The following TRIM34 variants were observed in gnomAD, a reference collection of about 807,000 sequenced individuals.
TRIM34 encodes tripartite motif containing 34, also known as E3 ubiquitin-protein ligase TRIM34.
In TRIM34, 41 loss-of-function variants were observed where a neutral mutation model predicts 38.1. The ratio of observed to expected loss-of-function variants is 1.08; its 90% confidence interval spans 0.84 to 1.40. TRIM34 has a LOEUF of 1.40. Among genes scored for constraint, TRIM34 ranks in the 40% most tolerant of loss-of-function variants. The pLI, the probability that TRIM34 is intolerant of heterozygous loss-of-function variation, is 0.00. For missense variants in TRIM34, 556 were observed against 571.4 expected (o/e 0.97, Z 0.27); for synonymous variants, 200 against 202.5 (o/e 0.99, Z 0.10).
intron 1 of TRIM34, among the ~76,000 whole-genome samples, chr11:5,628,258 C>T (rs546938017): frequency 2.8e-4 from 42 of 152,312 alleles, no homozygotes; most frequent in African/African-American, 7.0e-4. Flanking sequence ...TGGAGCCCCC[C>T]GGTATTTCTA....
rs1564890196 is a variant in TRIM34 at position 5,641,159 on chromosome 11, C to T, written c.751-8C>T. 1 of 1,610,084 alleles carries T rather than the reference C, an allele frequency of 6.2e-7. No homozygotes were observed. Among genetic ancestry groups the T allele is most frequent in the Non-Finnish European group, 8.5e-7 (1 of 1,177,974 alleles). On this transcript the variant is annotated splice_polypyrimidine_tract_variant and splice_region_variant and intron_variant, in intron 4 of 7. Transcript: ENST00000429814. The stretch of plus-strand genomic sequence containing the variant: ...CACTTTGACTCATGTTTTCTCTTTT[C>T]TTTCTAGGACATGAGTGGAATCATG...
At chr11:5,629,417 G>T (rs1438846291) in intron 1 of TRIM34, among the ~76,000 whole-genome samples, 3 of 152,136 alleles carry the variant, frequency 2.0e-5, no homozygotes, top group Non-Finnish European at 4.4e-5. Flanking sequence ...TTTGTGGAGG[G>T]TATAAATCTA....
chr11:5,633,780 T>G, intron 2 of TRIM34, 24 bp from the exon 3 acceptor site: 1 of 1,609,140 alleles, frequency 6.2e-7, no homozygotes. Flanking sequence ...ATAGCTTGAC[T>G]GTAGTGTGAT....
Position 5,643,874 on chromosome 11 carries a change from T to A in TRIM34, c.*165T>A. 6.9e-6 allele frequency: 6 copies of A among 875,636 alleles called. No individual in the cohort carries two copies. The South Asian group carries it at 1.2e-4, about 18-fold the overall frequency. 54.2% of individuals were successfully genotyped at this position (875,636 alleles called of 1,614,324 possible). On this transcript the variant is annotated 3_prime_UTR_variant, in exon 8 of 8. Transcript: ENST00000429814. ...TGGCTTGAGTTATGAGAGATGCTTA[T>A]TTATTCATTTACTCTTTTTCATATT...
chr11:5,627,024 C>A (rs1849274490), intron 1 of TRIM34, among the ~76,000 whole-genome samples: 1 of 152,144 alleles, frequency 6.6e-6, no homozygotes. Context: ...TGATTGACAT[C>A]TGCTTTAAGG....
At chr11:5,634,380 A>G (rs1199274378) in intron 3 of TRIM34, among the ~76,000 whole-genome samples, 2 of 151,894 alleles carry the variant, frequency 1.3e-5, no homozygotes, top group African/African-American at 4.8e-5. Context: ...GTAGGAAAAA[A>G]TAGCTTCCCT....
chr11:5,643,420 C>T lies in TRIM34; in HGVS notation c.1178C>T (p.Pro393Leu), dbSNP rs199610670. Residue 393 changes from proline (P) to leucine (L), a missense_variant, in exon 8 of 8, where the codon CCT (proline) becomes CTT (leucine). Coordinates refer to ENST00000429814, the MANE Select transcript of TRIM34 (RefSeq NM_021616.6). ...NRQNLYTKYR[P>L]LFGYWVIGLQ... ...CAAAATCTTTACACCAAATACAGAC[C>T]TCTATTTGGCTACTGGGTTATAGGG... The T allele has an allele frequency of 2.3e-4, 364 of 1,614,078 alleles. 2 individuals carry two copies. The South Asian group carries it at 3.1e-3, about 14-fold the overall frequency.
intron 1 of TRIM34, among the ~76,000 whole-genome samples, chr11:5,629,290 A>C (rs1457494053): frequency 6.6e-6 from 1 of 151,980 alleles, no homozygotes; most frequent in African/African-American, 2.4e-5. Context: ...AAAAAACAAA[A>C]ACTACAGGTC....
chr11:5,635,130 C>G (rs1181270202), intron 4 of TRIM34, among the ~76,000 whole-genome samples: 2 of 152,084 alleles, frequency 1.3e-5, no homozygotes, highest in Non-Finnish European at 2.9e-5. Context: ...CATCAGACTT[C>G]TCTTTACTCT....
At chr11:5,636,002 G>A (rs989534888) in intron 4 of TRIM34, among the ~76,000 whole-genome samples, 2 of 152,190 alleles carry the variant, frequency 1.3e-5, no homozygotes, top group Non-Finnish European at 2.9e-5. Context: ...TGTAAAGAGA[G>A]TTCTCATGTG....
At chr11:5,633,013 G>T (rs7126641) in intron 2 of TRIM34, among the ~76,000 whole-genome samples, 131,130 of 133,064 alleles carry the variant, frequency 0.99, 64,598 homozygotes, top group Middle Eastern at 1. Context: ...TTTTTTTTTG[G>T]ATTTTTAGTA....
intron 2 of TRIM34, 22 bp from the exon 3 acceptor site, chr11:5,633,782 T>C (rs750632460): frequency 1.9e-5 from 30 of 1,609,204 alleles, no homozygotes; most frequent in Non-Finnish European, 2.5e-5. Context: ...AGCTTGACTG[T>C]AGTGTGATTC....
chr11:5,642,108 C>A (rs1850039066), intron 5 of TRIM34, among the ~76,000 whole-genome samples: 1 of 152,088 alleles, frequency 6.6e-6, no homozygotes, highest in African/African-American at 2.4e-5. Context: ...TCGTTTTATC[C>A]AATTTTTTAT....
chr11:5,641,095 GTTC>G lies in TRIM34; in HGVS notation c.751-66_751-64del, dbSNP rs1189313406. ...TGATTTTTCCATTTTTTTTCCTACTGTTCTTCTTTCTTTCATTAGTCTTACACC... is the reference window on the plus strand; with the variant it reads ...TGATTTTTCCATTTTTTTTCCTACTGTTCTTTCTTTCATTAGTCTTACACC... On this transcript the variant is annotated intron_variant, in intron 4 of 7. Transcript: ENST00000429814. 396 of 1,463,568 alleles carry G rather than the reference GTTC, an allele frequency of 2.7e-4. 1 individual carries two copies. The highest frequency in any genetic ancestry group is 9.6e-4 in the Admixed American group (40 of 41,464). The allele number at this position is 1,463,568 out of a possible 1,614,324, so 90.7% of individuals were successfully genotyped here.
chr11:5,625,473 G>A (rs1849168788), intron 1 of TRIM34, among the ~76,000 whole-genome samples: 1 of 152,148 alleles, frequency 6.6e-6, no homozygotes, highest in African/African-American at 2.4e-5. Context: ...GTGAAAGGAG[G>A]TCTCTGTTTT....
intron 4 of TRIM34, among the ~76,000 whole-genome samples, chr11:5,636,868 G>A (rs1040933241): frequency 1.4e-4 from 21 of 152,060 alleles, no homozygotes; most frequent in African/African-American, 5.1e-4. Flanking sequence ...ATCTGTTGGC[G>A]GGGCGCGGTG....
At position 5,632,695 on chromosome 11, in the gene TRIM34, T is replaced by C; in HGVS notation, c.364T>C (p.Ser122Pro). 6.2e-7 allele frequency: 1 copy of C among 1,612,268 alleles called. No individual in the cohort carries two copies. Among genetic ancestry groups the C allele is most frequent in the Non-Finnish European group, 8.5e-7 (1 of 1,179,728 alleles). Reference protein sequence around the residue: ...RKVICWLCERSQEHRGHHTVL... With the variant: ...RKVICWLCERPQEHRGHHTVL... ...AGTCATTTGCTGGCTTTGTGAGCGG[T>C]CTCAGGAGCACCGTGGTCACCACAC... The change falls in exon 2 of 8, where the codon TCT (serine) becomes CCT (proline). Residue 122 changes from serine (S) to proline (P), a missense_variant. Ser to Pro is a moderately conservative substitution (Grantham distance 74). Transcript: ENST00000429814.
intron 4 of TRIM34, among the ~76,000 whole-genome samples, chr11:5,636,681 C>T (rs1849747970): frequency 6.6e-6 from 1 of 152,132 alleles, no homozygotes; most frequent in African/African-American, 2.4e-5. Context: ...GTCTTAGTTG[C>T]TATTTGGTCA....
At chr11:5,637,152 G>A (rs922349810) in intron 4 of TRIM34, among the ~76,000 whole-genome samples, 4 of 140,924 alleles carry the variant, frequency 2.8e-5, no homozygotes, top group Non-Finnish European at 4.6e-5. Flanking sequence ...CAGCCTGGGC[G>A]ACAGAGCGAG....
Sources: allele counts gnomAD v4.1 joint callset (sites outside exome capture counted in the v4.1 genomes callset), GRCh38; gene constraint gnomAD v4.1.1; transcripts MANE v1.5; gene names NCBI Gene and HGNC (gene_info 2026-07-23, HGNC 2026-07-21).